The following ANKIB1 variants were observed in gnomAD, a reference collection of about 807,000 sequenced individuals.
The protein encoded by ANKIB1 is ankyrin repeat and IBR domain-containing protein 1.
In ANKIB1, 43 loss-of-function variants were observed where a neutral mutation model predicts 122.1. The ratio of observed to expected loss-of-function variants is 0.35; its 90% CI spans 0.28 to 0.45. The LOEUF (loss-of-function observed/expected upper bound fraction) is 0.45, where lower values mean the gene tolerates loss of function less well. ANKIB1 is among the 20% of genes least tolerant of loss of function. ANKIB1 has a pLI of 1.00. For synonymous variants in ANKIB1, 390 were observed against 442.0 expected (o/e 0.88, Z 1.48); for missense variants, 992 against 1,329.5 (o/e 0.75, Z 3.95).
chr7:92,332,629 C>A (rs1803194198), intron 5 of ANKIB1, among the ~76,000 whole-genome samples: 1 of 152,124 alleles, frequency 6.6e-6, no homozygotes, highest in Non-Finnish European at 1.5e-5. Flanking sequence ...ATGTGACAGG[C>A]TAATTTGCTT....
chr7:92,344,013 T>A (rs1803484714), intron 6 of ANKIB1, among the ~76,000 whole-genome samples: 1 of 152,138 alleles, frequency 6.6e-6, no homozygotes, highest in East Asian at 1.9e-4. Flanking sequence ...TCTCATTTTA[T>A]CTGTGCCTTT....
chr7:92,273,052 G>A (rs1254236694), intron 1 of ANKIB1, among the ~76,000 whole-genome samples: 1 of 152,144 alleles, frequency 6.6e-6, no homozygotes, highest in African/African-American at 2.4e-5. Context: ...TACAGTATTT[G>A]CCACATAACA....
At chr7:92,389,911 T>G (rs1315960174) in intron 14 of ANKIB1, 60 bp from the exon 15 acceptor site, 1 of 1,501,342 alleles carries the variant, frequency 6.7e-7, no homozygotes, top group Non-Finnish European at 9.0e-7. Context: ...CATTGTTTAA[T>G]TAATATTATA....
chr7:92,373,134 G>A (rs568798059), intron 11 of ANKIB1, among the ~76,000 whole-genome samples: 3 of 152,160 alleles, frequency 2.0e-5, no homozygotes, highest in African/African-American at 7.2e-5. Flanking sequence ...AAAAACCTAG[G>A]GCAGTGTTGT....
intron 17 of ANKIB1, among the ~76,000 whole-genome samples, chr7:92,393,511 A>G (rs1447377358): frequency 6.6e-6 from 1 of 152,112 alleles, no homozygotes; most frequent in Non-Finnish European, 1.5e-5. Context: ...AGAAAAAAAA[A>G]TACTAATGAT....
chr7:92,366,112 G>A (rs1408098031), intron 10 of ANKIB1, among the ~76,000 whole-genome samples: 3 of 151,972 alleles, frequency 2.0e-5, no homozygotes, highest in Non-Finnish European at 4.4e-5. Flanking sequence ...CCTGCTAGTT[G>A]CCTAAAAGAT....
At chr7:92,301,251 G>C (rs1562775577) in intron 2 of ANKIB1, among the ~76,000 whole-genome samples, 1 of 151,948 alleles carries the variant, frequency 6.6e-6, no homozygotes, top group Non-Finnish European at 1.5e-5. Flanking sequence ...TGTTTTTAAT[G>C]TTTTACTCAA....
At chr7:92,398,146 C>A in intron 19 of ANKIB1, 66 bp from the exon 20 acceptor site, 1 of 1,473,102 alleles carries the variant, frequency 6.8e-7, no homozygotes, top group East Asian at 2.3e-5. Flanking sequence ...GAATGGTAAA[C>A]CTGATTGAGT....
At position 92,343,025 on chromosome 7, in the gene ANKIB1, C is replaced by T. The variant is rs1225619919; in HGVS notation, c.789C>T (p.Asp263=). 1.9e-6 allele frequency: 3 copies of T among 1,613,598 alleles called. No homozygotes were observed. The highest frequency in any genetic ancestry group is 2.5e-6 in the Non-Finnish European group (3 of 1,179,722). Residue 263 remains aspartate (D), a splice_region_variant and synonymous_variant, in exon 6 of 20, where the codon GAC becomes GAT. Coordinates refer to ENST00000265742, the MANE Select transcript of ANKIB1 (RefSeq NM_019004.2). The part of the protein sequence containing the change: ...FTAEALLRAH[D]WDREKLLEAW... ...CTATCCATTCCATTTTTCTTTAAGACTGGGACAGGGAGAAATTACTTGAAG... is the reference window on the plus strand; with the variant it reads ...CTATCCATTCCATTTTTCTTTAAGATTGGGACAGGGAGAAATTACTTGAAG...
At chr7:92,387,922 T>TA in intron 13 of ANKIB1, 38 bp downstream of exon 13, 1 of 1,607,430 alleles carries the variant, frequency 6.2e-7, no homozygotes, top group Non-Finnish European at 8.5e-7. Context: ...TGACCTATAC[T>TA]GTTGTGAATA....
chr7:92,338,889 GC>G (rs1803354833), intron 5 of ANKIB1, among the ~76,000 whole-genome samples: 1 of 103,700 alleles, frequency 9.6e-6, no homozygotes. Context: ...TCCAGCCTGG[GC>G]GACAGAGTGA....
At chr7:92,326,861 T>G (rs1181832449) in intron 4 of ANKIB1, among the ~76,000 whole-genome samples, 2 of 152,078 alleles carry the variant, frequency 1.3e-5, no homozygotes, top group Non-Finnish European at 2.9e-5. Flanking sequence ...CTGCAGTGGC[T>G]ATTCACCGGC....
chr7:92,261,348 CAAAA>C (rs765326035), intron 1 of ANKIB1, among the ~76,000 whole-genome samples: 2 of 63,736 alleles, frequency 3.1e-5, no homozygotes, highest in African/African-American at 1.1e-4. Context: ...GACTCCGTCT[CAAAA>C]AAAAAAAAAA....
At chr7:92,277,249 G>C (rs117331233) in intron 1 of ANKIB1, among the ~76,000 whole-genome samples, 60 of 152,204 alleles carry the variant, frequency 3.9e-4, no homozygotes, top group Admixed American at 9.8e-4. Flanking sequence ...TGTGAAAATG[G>C]ACTAATACAG....
chr7:92,340,866 C>T (rs1458199622), intron 5 of ANKIB1, among the ~76,000 whole-genome samples: 2 of 152,160 alleles, frequency 1.3e-5, no homozygotes, highest in Non-Finnish European at 2.9e-5. Context: ...ACAAACACAT[C>T]AAACAATGTT....
rs921677586 is a variant in ANKIB1 at position 92,400,656 on chromosome 7, T to G, written c.*1707T>G. The G allele has an allele frequency of 2.0e-5, 3 of 152,182 alleles. No individual in the cohort carries two copies. Among genetic ancestry groups the G allele is most frequent in the Non-Finnish European group, 2.9e-5 (2 of 68,040 alleles). 9.4% of individuals were successfully genotyped at this position (152,182 alleles called of 1,614,324 possible). A position where few individuals can be genotyped will look rare whatever the true frequency, so the allele number is the denominator to read the frequency against. On this transcript the variant is annotated 3_prime_UTR_variant, in exon 20 of 20. Coordinates refer to ENST00000265742, the MANE Select transcript of ANKIB1 (RefSeq NM_019004.2). ...AATTCATATTGCTAAGACACTGTAT[T>G]AGAATATTTAATATTCCCCAGATCC...
At chr7:92,293,596 A>G (rs1024630683) in intron 1 of ANKIB1, among the ~76,000 whole-genome samples, 16 of 152,170 alleles carry the variant, frequency 1.1e-4, no homozygotes, top group Admixed American at 3.9e-4. Context: ...CCTCTATTCT[A>G]TCTTCTACAT....
At chr7:92,291,567 C>CTTTTTTTTTTTTTT (rs1188174295) in intron 1 of ANKIB1, among the ~76,000 whole-genome samples, 2 of 116,500 alleles carry the variant, frequency 1.7e-5, no homozygotes, top group East Asian at 2.6e-4. Context: ...TTTTCTTTTT[C>CTTTTTTTTTTTTTT]TTTTTTTTTT....
intron 1 of ANKIB1, among the ~76,000 whole-genome samples, chr7:92,290,357 G>C (rs1802219731): frequency 6.7e-6 from 1 of 149,206 alleles, no homozygotes; most frequent in South Asian, 2.1e-4. Flanking sequence ...ACTAAATTGA[G>C]TATATGTATG....
Sources: allele counts gnomAD v4.1 joint callset (sites outside exome capture counted in the v4.1 genomes callset), GRCh38; gene constraint gnomAD v4.1.1; transcripts MANE v1.5; gene names NCBI Gene and HGNC (gene_info 2026-07-23, HGNC 2026-07-21).